KLF12: variants seen among roughly 807,000 people sequenced by gnomAD.
KLF12 encodes Krueppel-like factor 12.
A neutral mutation model predicts 37.8 loss-of-function variants in KLF12; 9 were observed. The observed-to-expected ratio is 0.24, with a 90% CI of 0.14 to 0.42. KLF12 has a LOEUF of 0.42. Among genes scored for constraint, KLF12 ranks in the 10% least tolerant of loss-of-function variants. The pLI is 1.00. For missense variants in KLF12, 411 were observed against 516.0 expected, an observed-to-expected ratio of 0.80 and a Z score of 1.97; for synonymous variants, 208 against 202.1, an observed-to-expected ratio of 1.03 and a Z score of -0.25.
the KLF12 span, among the ~76,000 whole-genome samples, chr13:74,192,376 T>C: frequency 6.6e-6 from 1 of 152,216 alleles, no homozygotes; most frequent in Non-Finnish European, 1.5e-5. Context: ...GGATACCTGA[T>C]CTTCCCTTTC....
chr13:74,120,215 C>T lies in KLF12; in HGVS notation c.-32+13524G>A, dbSNP rs1877546819. Among the ~76,000 whole-genome samples, 5 of 152,338 alleles carry T rather than the reference C, an allele frequency of 3.3e-5. No homozygotes were observed. In the South Asian group the frequency reaches 1.0e-3, roughly 32 times the overall value. On this transcript the variant is annotated intron_variant, in intron 1 of 7. Coordinates refer to ENST00000377669, the MANE Select transcript of KLF12 (RefSeq NM_007249.5). The stretch of plus-strand genomic sequence containing the variant: ...TATTTAAGTAGGCCAGGCACAGTGG[C>T]TCATGCCTGTAATCCCAGCACTTTG...
At chr13:73,861,019 C>T (rs1301851337) in intron 3 of KLF12, among the ~76,000 whole-genome samples, 1 of 152,082 alleles carries the variant, frequency 6.6e-6, no homozygotes, top group Non-Finnish European at 1.5e-5. Context: ...ATTTGAAATA[C>T]ATTTTTTATA....
the KLF12 span, among the ~76,000 whole-genome samples, chr13:74,299,028 G>A: frequency 6.6e-6 from 1 of 152,186 alleles, no homozygotes; most frequent in Admixed American, 6.5e-5. Context: ...TAGGACCATG[G>A]CAGACAGAAA....
intron 6 of KLF12, among the ~76,000 whole-genome samples, chr13:73,760,364 A>C (rs181036019): frequency 3.5e-4 from 53 of 152,302 alleles, no homozygotes; most frequent in African/African-American, 1.3e-3. Context: ...TCTGTTGCCC[A>C]GGCTGGAATG....
chr13:73,742,552 A>G (rs970490635), intron 6 of KLF12, among the ~76,000 whole-genome samples: 1 of 152,156 alleles, frequency 6.6e-6, no homozygotes, highest in African/African-American at 2.4e-5. Flanking sequence ...AGATGATGGC[A>G]TTATCATTCC....
chr13:73,986,455 A>G (rs1006709587), intron 2 of KLF12, among the ~76,000 whole-genome samples: 2 of 152,190 alleles, frequency 1.3e-5, no homozygotes, highest in Non-Finnish European at 2.9e-5. Flanking sequence ...AAAATTCCCA[A>G]CCACATGTTT....
intron 3 of KLF12, among the ~76,000 whole-genome samples, chr13:73,938,061 G>A (rs538429419): frequency 9.2e-5 from 14 of 152,258 alleles, no homozygotes; most frequent in South Asian, 2.1e-4. Flanking sequence ...AAGCAAACTC[G>A]TATTTCCAAG....
At chr13:73,811,062 T>C (rs777515837) in intron 5 of KLF12, among the ~76,000 whole-genome samples, 70 of 139,190 alleles carry the variant, frequency 5.0e-4, no homozygotes, top group Non-Finnish European at 8.9e-4. Flanking sequence ...CTCAGCTCAC[T>C]GCAACCTCTC....
In KLF12 at chr13:73,694,713, C is replaced by T. The variant is rs535644107; in HGVS notation, c.*777G>A. 6.5e-6 allele frequency: 1 copy of T among 152,786 alleles called. No homozygotes were observed. The highest frequency in any genetic ancestry group is 6.5e-5 in the Admixed American group (1 of 15,296). 9.5% of individuals were successfully genotyped at this position (152,786 alleles called of 1,614,324 possible). On this transcript the variant is annotated 3_prime_UTR_variant, in exon 8 of 8. Transcript: ENST00000377669. ...CAGTAGTTTTTTAGACAGGCTCTTC[C>T]TATTCAACTACAGAACACCTCTGTG...
chr13:74,172,455 G>A, the KLF12 span, among the ~76,000 whole-genome samples: 1 of 152,172 alleles, frequency 6.6e-6, no homozygotes, highest in East Asian at 1.9e-4. Context: ...TTGATGTCAT[G>A]GCTTAATGAT....
intron 3 of KLF12, among the ~76,000 whole-genome samples, chr13:73,890,466 T>C (rs559143230): frequency 4.6e-5 from 7 of 152,094 alleles, no homozygotes; most frequent in Non-Finnish European, 8.8e-5. Context: ...CCTTACATAC[T>C]TGTAAGTGGA....
chr13:73,693,438 C>T lies in KLF12; in HGVS notation c.*2052G>A, dbSNP rs1388631166. ...GAAATTGCTTGATGAATTTTTGAGA[C>T]CTGGCAGACAATATAGAGCACATAT... On this transcript the variant is annotated 3_prime_UTR_variant, in exon 8 of 8. Coordinates refer to ENST00000377669, the MANE Select transcript of KLF12 (RefSeq NM_007249.5). 6.6e-6 allele frequency: 1 copy of T among 152,176 alleles called. No individual in the cohort carries two copies. Among genetic ancestry groups the T allele is most frequent in the Non-Finnish European group, 1.5e-5 (1 of 68,040 alleles). 9.4% of individuals were successfully genotyped at this position (152,176 alleles called of 1,614,324 possible).
At chr13:73,769,275 C>T (rs1453080065) in intron 5 of KLF12, among the ~76,000 whole-genome samples, 1 of 152,138 alleles carries the variant, frequency 6.6e-6, no homozygotes, top group South Asian at 2.1e-4. Context: ...GTATCCACAC[C>T]GCTCTGATGA....
At chr13:73,859,188 T>C (rs1885777439) in intron 3 of KLF12, among the ~76,000 whole-genome samples, 1 of 152,186 alleles carries the variant, frequency 6.6e-6, no homozygotes, top group Non-Finnish European at 1.5e-5. Context: ...CTTCAGCAGC[T>C]TTCCAGGTTC....
At chr13:73,981,509 T>C (rs1891687910) in intron 2 of KLF12, among the ~76,000 whole-genome samples, 1 of 152,066 alleles carries the variant, frequency 6.6e-6, no homozygotes, top group Non-Finnish European at 1.5e-5. Context: ...AAGCAGATCA[T>C]AAAAATATAA....
At chr13:74,126,767 T>C (rs1486808806) in intron 1 of KLF12, among the ~76,000 whole-genome samples, 1 of 152,208 alleles carries the variant, frequency 6.6e-6, no homozygotes, top group Admixed American at 6.5e-5. Flanking sequence ...CATCAAATGA[T>C]GTTCGTAAGT....
chr13:73,930,690 T>C (rs1426655901), intron 3 of KLF12, among the ~76,000 whole-genome samples: 1 of 152,136 alleles, frequency 6.6e-6, no homozygotes, highest in Non-Finnish European at 1.5e-5. Flanking sequence ...ATGGCAATTA[T>C]TGGTAAAAGG....
the KLF12 span, among the ~76,000 whole-genome samples, chr13:74,164,827 T>C: frequency 6.6e-6 from 1 of 152,230 alleles, no homozygotes; most frequent in African/African-American, 2.4e-5. Flanking sequence ...ACTTCACATA[T>C]TCTCATTCAT....
At chr13:74,199,129 A>T in the KLF12 span, among the ~76,000 whole-genome samples, 1 of 152,228 alleles carries the variant, frequency 6.6e-6, no homozygotes, top group African/African-American at 2.4e-5. Flanking sequence ...TTCCTGCAGA[A>T]GTCAGTGCGG....
Sources: allele counts gnomAD v4.1 joint callset (sites outside exome capture counted in the v4.1 genomes callset), GRCh38; gene constraint gnomAD v4.1.1; transcripts MANE v1.5; gene names NCBI Gene and HGNC (gene_info 2026-07-23, HGNC 2026-07-21).